GLOD5: variants seen among roughly 807,000 people sequenced by gnomAD.
GLOD5 encodes glyoxalase domain containing 5, also known as glyoxalase domain-containing protein 5.
GLOD5 carries 7 observed loss-of-function variants against 9.9 expected under a neutral mutation model. The ratio of observed to expected loss-of-function variants is 0.71; its 90% CI spans 0.40 to 1.33. GLOD5 has a LOEUF of 1.33. GLOD5 is among the 40% of genes most tolerant of loss of function. The probability of loss-of-function intolerance (pLI) is 0.01; values close to 1 mark genes in which losing one functional copy is unlikely to be tolerated. For synonymous variants in GLOD5, 49 were observed against 47.3 expected, an observed-to-expected ratio of 1.04 and a Z score of -0.14; for missense variants, 146 against 128.4, an observed-to-expected ratio of 1.14 and a Z score of -0.66.
chrX:48,765,862 C>A lies in GLOD5; in HGVS notation c.91C>A (p.Pro31Thr). Residue 31 changes from proline to threonine, a missense_variant, in exon 2 of 4, where the codon CCC (proline) becomes ACC (threonine). Physicochemically the swap from Pro to Thr is conservative, Grantham distance 38. Coordinates refer to ENST00000303227, the MANE Select transcript of GLOD5 (RefSeq NM_001080489.3). ...QSWRDSSQTP[P>T]PCLIRRLDHI... ...ATGGAGGGACAGCAGTCAGACCCCT[C>A]CCCCATGTCTTATCCGTAGACTTGA... 8.4e-7 allele frequency: 1 copy of A among 1,193,452 alleles called. No individual in the cohort carries two copies. Among genetic ancestry groups the A allele is most frequent in the Non-Finnish European group, 1.1e-6 (1 of 886,264 alleles).
rs2062597118 is a variant in GLOD5, at chrX:48,761,864, T to C, written c.63+11T>C. On this transcript the variant is annotated intron_variant, in intron 1 of 3. Transcript: ENST00000303227. The stretch of plus-strand genomic sequence containing the variant: ...ACTTTGGAGAAACAGGTGAACAAGA[T>C]GGCCCCTGGGGATCTGGGGCAAGGG... The C allele has an allele frequency of 1.7e-6, 2 of 1,151,673 alleles. No individual in the cohort carries two copies. The highest frequency in any genetic ancestry group is 1.8e-5 in the African/African-American group (1 of 55,930). The allele number at this position is 1,151,673 out of a possible 1,213,427, so 94.9% of individuals were successfully genotyped here.
chrX:48,764,552 CTTTTTT>C (rs1163188143), intron 1 of GLOD5, among the ~76,000 whole-genome samples: 1 of 91,712 alleles, frequency 1.1e-5, no homozygotes, highest in Non-Finnish European at 2.2e-5. Flanking sequence ...CCAGAATCTT[CTTTTTT>C]TTTTTTTTTT....
intron 3 of GLOD5, among the ~76,000 whole-genome samples, chrX:48,771,377 T>C (rs2062621935): frequency 9.2e-6 from 1 of 108,134 alleles, no homozygotes; most frequent in African/African-American, 3.4e-5. Context: ...GTATAGTGGC[T>C]TGATCTCGGC....
At chrX:48,770,407 A>C (rs1443462745) in intron 2 of GLOD5, among the ~76,000 whole-genome samples, 2 of 112,243 alleles carry the variant, frequency 1.8e-5, no homozygotes, top group Admixed American at 1.9e-4. Flanking sequence ...CGTTTCACTG[A>C]ACAACCAGTC....
In GLOD5 at chrX:48,771,029, G is replaced by A. The variant is rs202215334; in HGVS notation, c.304G>A (p.Asp102Asn). The A allele has an allele frequency of 1.0e-3, 1,209 of 1,199,790 alleles. 2 individuals are homozygous for A. Among genetic ancestry groups the A allele is most frequent in the Non-Finnish European group, 1.2e-3 (1,093 of 890,497 alleles). ...CGCTCACCCAGTTCCTGGCTCCCTG[G>A]ACATATGTCTGATCACAGAGGTGCC... The part of the protein sequence containing the change: ...KAAHPVPGSL[D>N]ICLITEVPLE... The change falls in exon 3 of 4, where the codon GAC becomes AAC. Residue 102 changes from aspartate (D) to asparagine (N), a missense_variant. Asp to Asn is a conservative substitution (Grantham distance 23). Coordinates refer to ENST00000303227, the MANE Select transcript of GLOD5 (RefSeq NM_001080489.3).
chrX:48,761,957 C>CT, intron 1 of GLOD5, 104 bp downstream of exon 1: 1 of 591,627 alleles, frequency 1.7e-6, no homozygotes, highest in Non-Finnish European at 2.7e-6. Flanking sequence ...CTGTCCTCCT[C>CT]TCTCCCTTTC....
At chrX:48,768,238 C>A (rs897739496) in intron 2 of GLOD5, among the ~76,000 whole-genome samples, 2 of 112,271 alleles carry the variant, frequency 1.8e-5, no homozygotes, top group Admixed American at 1.9e-4. Flanking sequence ...ACGGACGGGT[C>A]TTGAAAAGAA....
Position 48,773,353 on chromosome X carries a change from G to A in GLOD5, c.401G>A (p.Gly134Glu). 8.3e-7 allele frequency: 1 copy of A among 1,209,029 alleles called. No homozygotes were observed. Among genetic ancestry groups the A allele is most frequent in the Non-Finnish European group, 1.1e-6 (1 of 893,141 alleles). ...PIEEGPVPRT[G>E]AKGPIMSIYF... ...GAGGAGGGGCCAGTCCCCAGAACAG[G>A]GGCAAAAGGGCCTATCATGTCCATC... Residue 134 changes from glycine to glutamate, a missense_variant, in exon 4 of 4, where the codon GGG (glycine) becomes GAG (glutamate). Gly to Glu is a moderately conservative substitution (Grantham distance 98, BLOSUM62 -2). Coordinates refer to ENST00000303227, the MANE Select transcript of GLOD5 (RefSeq NM_001080489.3).
chrX:48,772,341 G>A lies in GLOD5; in HGVS notation c.358-969G>A, dbSNP rs113073745. The stretch of plus-strand genomic sequence containing the variant: ...ACTTGAACCCAGGAATTTGAGACCA[G>A]CCTGGGTAACATGGCGAGACCCTGT... On this transcript the variant is annotated intron_variant, in intron 3 of 3. Coordinates refer to ENST00000303227, the MANE Select transcript of GLOD5 (RefSeq NM_001080489.3). Among the ~76,000 whole-genome samples, 501 of 111,048 alleles carry A rather than the reference G, an allele frequency of 4.5e-3. 1 individual carries two copies. Among genetic ancestry groups the A allele is most frequent in the Non-Finnish European group, 8.4e-3 (445 of 52,947 alleles).
intron 2 of GLOD5, among the ~76,000 whole-genome samples, chrX:48,769,270 G>A (rs1557017053): frequency 9.2e-6 from 1 of 108,335 alleles, no homozygotes; most frequent in African/African-American, 3.4e-5. Context: ...TTGAGAGGAT[G>A]AGGCAGGAGG....
At chrX:48,769,796 G>A (rs782224907) in intron 2 of GLOD5, among the ~76,000 whole-genome samples, 8 of 104,895 alleles carry the variant, frequency 7.6e-5, no homozygotes, top group South Asian at 8.8e-4. Context: ...TGGGCAACAC[G>A]GGGAGACCCG....
chrX:48,765,492 C>G, intron 1 of GLOD5: 1 of 260,096 alleles, frequency 3.8e-6, no homozygotes, highest in South Asian at 3.8e-5. Flanking sequence ...GCAGGAGAAT[C>G]GCTTGAAGCT....
intron 1 of GLOD5, among the ~76,000 whole-genome samples, chrX:48,765,067 T>G (rs1316213965): frequency 1.8e-5 from 2 of 110,807 alleles, no homozygotes; most frequent in Non-Finnish European, 3.8e-5. Flanking sequence ...CTTCATTTCT[T>G]CTGAGATGCC....
intron 3 of GLOD5, among the ~76,000 whole-genome samples, chrX:48,771,496 A>C (rs1462604184): frequency 9.1e-6 from 1 of 110,194 alleles, no homozygotes. Flanking sequence ...TTGTAGTTTT[A>C]GTAGAGACAG....
At position 48,773,593 on chromosome X, in the gene GLOD5, C is replaced by G; in HGVS notation, c.*158C>G. The G allele has an allele frequency of 1.9e-6, 1 of 518,975 alleles. No homozygotes were observed. Among genetic ancestry groups the G allele is most frequent in the Non-Finnish European group, 3.1e-6 (1 of 318,960 alleles). 42.8% of individuals were successfully genotyped at this position (518,975 alleles called of 1,213,427 possible). ...ACCCAAGACAGGTTTGGGACCAAAC[C>G]TACATGTCTGTATGTCATCAAAGTT... On this transcript the variant is annotated 3_prime_UTR_variant, in exon 4 of 4. Transcript: ENST00000303227.
intron 2 of GLOD5, 140 bp downstream of exon 2, chrX:48,766,112 T>A (rs949649907): frequency 9.2e-6 from 5 of 541,795 alleles, no homozygotes; most frequent in Non-Finnish European, 1.5e-5. Flanking sequence ...GATTCCAAAC[T>A]GAATATTTGG....
rs1300043381 is a variant in GLOD5, at chrX:48,761,904, C to T, written c.63+51C>T. On this transcript the variant is annotated intron_variant, in intron 1 of 3. Coordinates refer to ENST00000303227, the MANE Select transcript of GLOD5 (RefSeq NM_001080489.3). ...TGGGGCAAGGGTGTTGGCACTGAAA[C>T]TGGTCTAGTAACCTGTTTCCCTTCT... 17 of 956,432 alleles carry T rather than the reference C, an allele frequency of 1.8e-5. No homozygotes were observed. The African/African-American group carries it at 3.3e-4, about 19-fold the overall frequency. The allele number at this position is 956,432 out of a possible 1,213,427, so 78.8% of individuals were successfully genotyped here.
At chrX:48,771,978 T>A (rs1023211435) in intron 3 of GLOD5, among the ~76,000 whole-genome samples, 3 of 111,707 alleles carry the variant, frequency 2.7e-5, no homozygotes, top group Non-Finnish European at 5.6e-5. Context: ...CACTCACGCC[T>A]GTAATCCCAG....
At chrX:48,772,293 T>C (rs2062624332) in intron 3 of GLOD5, among the ~76,000 whole-genome samples, 1 of 110,371 alleles carries the variant, frequency 9.1e-6, no homozygotes, top group South Asian at 3.9e-4. Flanking sequence ...CCCAGTGCTT[T>C]AGGAGGCCAA....
Sources: allele counts gnomAD v4.1 joint callset (sites outside exome capture counted in the v4.1 genomes callset), GRCh38; gene constraint gnomAD v4.1.1; transcripts MANE v1.5; gene names NCBI Gene and HGNC (gene_info 2026-07-23, HGNC 2026-07-21).